The following CHRNA4 variants were observed in gnomAD, a reference collection of about 807,000 sequenced individuals.
CHRNA4 encodes neuronal acetylcholine receptor subunit alpha-4.
CHRNA4 carries 28 observed loss-of-function variants against 48.9 expected under a neutral mutation model. The ratio of observed to expected loss-of-function variants is 0.57; its 90% CI spans 0.42 to 0.79. The LOEUF is 0.79. Among genes scored for constraint, CHRNA4 ranks in the 30% least tolerant of loss-of-function variants. The pLI is 0.00. For missense variants in CHRNA4, 859 were observed against 898.4 expected, an observed-to-expected ratio of 0.96 and a Z score of 0.56; for synonymous variants, 425 against 402.3, an observed-to-expected ratio of 1.06 and a Z score of -0.68.
chr20:63,356,992 C>CGTCCACATCGCCATG (rs35554421), intron 2 of CHRNA4, among the ~76,000 whole-genome samples: 1 of 143,750 alleles, frequency 7.0e-6, no homozygotes, highest in African/African-American at 2.6e-5. Flanking sequence ...ACGTCCCCAC[C>CGTCCACATCGCCATG]GACCACATCT....
chr20:63,350,463 G>T lies in CHRNA4; in HGVS notation c.948C>A (p.Phe316Leu), dbSNP rs121912259. Reference sequence around the variant, plus strand: ...CCGTGATGACGATGGACAGGGTGACGAAGATCATGGTGAACAGCAGGTACT... The same window carrying T: ...CCGTGATGACGATGGACAGGGTGACTAAGATCATGGTGAACAGCAGGTACT... ...IGEYLLFTMI[F>L]VTLSIVITVF... Residue 316 changes from phenylalanine (F) to leucine (L), a missense_variant, in exon 5 of 6, where the codon TTC becomes TTA. Transcript: ENST00000370263. The T allele has an allele frequency of 2.5e-6, 4 of 1,613,964 alleles. No homozygotes were observed. The African/African-American group carries it at 5.3e-5, about 22-fold the overall frequency.
rs1406223079 is a variant in CHRNA4, at chr20:63,343,868, C to G, written c.*2870G>C. ...GACTTTGATAGGGGGTCGGGGGTCA[C>G]AGCCCTGGCAAGGTGGGTTCTAGGC... On this transcript the variant is annotated 3_prime_UTR_variant, in exon 6 of 6. Coordinates refer to ENST00000370263, the MANE Select transcript of CHRNA4 (RefSeq NM_000744.7). 1 of 454,190 alleles carries G rather than the reference C, an allele frequency of 2.2e-6. No individual in the cohort carries two copies. The allele number at this position is 454,190 out of a possible 1,614,324, so 28.1% of individuals were successfully genotyped here.
At chr20:63,359,770 C>T (rs2068778731) in intron 1 of CHRNA4, 71 bp from the exon 2 acceptor site, 3 of 1,552,572 alleles carry the variant, frequency 1.9e-6, no homozygotes. Context: ...AGGAGCTCTC[C>T]AGGCTGCCCC....
At chr20:63,359,903 G>GTGTGTGTGTGCCGGGCATGCGC (rs758593745) in intron 1 of CHRNA4, 1 of 442,922 alleles carries the variant, frequency 2.3e-6, no homozygotes, top group Non-Finnish European at 4.0e-6. Flanking sequence ...TGTGCTGTGT[G>GTGTGTGTGTGCCGGGCATGCGC]TGTGTGTGTG....
rs140239470 is a variant in CHRNA4, at chr20:63,356,386, G to A, written c.258C>T (p.Asn86=). Residue 86 remains asparagine (N), a synonymous_variant, in exon 3 of 6, where the codon AAC becomes AAT. Coordinates refer to ENST00000370263, the MANE Select transcript of CHRNA4 (RefSeq NM_000744.7). ...VDEKNQMMTT[N]VWVKQEWHDY... is the part of the protein sequence containing the mutation. ...TCCCACTCACCTGCTTCACCCATAC[G>A]TTCGTGGTCATCATCTGGTTCTTCT... The A allele has an allele frequency of 2.0e-4, 327 of 1,600,170 alleles. No individual in the cohort carries two copies. The African/African-American group carries it at 2.2e-3, about 11-fold the overall frequency.
intron 4 of CHRNA4, among the ~76,000 whole-genome samples, chr20:63,353,874 GA>G (rs1351688124): frequency 4.0e-5 from 2 of 49,500 alleles, no homozygotes; most frequent in Non-Finnish European, 8.2e-5. Context: ...GTTCTGGGGG[GA>G]CTGTGGTCCT....
At position 63,350,016 on chromosome 20, in the gene CHRNA4, G is replaced by A. The variant is rs748016098; in HGVS notation, c.1395C>T (p.Ser465=). The A allele has an allele frequency of 2.0e-6, 3 of 1,528,734 alleles. No homozygotes were observed. Among genetic ancestry groups the A allele is most frequent in the East Asian group, 4.7e-5 (2 of 42,484 alleles). The allele number at this position is 1,528,734 out of a possible 1,614,324, so 94.7% of individuals were successfully genotyped here. A position where few individuals can be genotyped will look rare whatever the true frequency, so the allele number is the denominator to read the frequency against. ...TQAPGLAKAR[S]LSVQHMSSPG... ...GGCTGGACATGTGCTGGACGCTGAG[G>A]GACCTGGCTTTGGCCAGCCCTGGTG... Residue 465 remains serine (S), a synonymous_variant, in exon 5 of 6, where the codon TCC becomes TCT. Coordinates refer to ENST00000370263, the MANE Select transcript of CHRNA4 (RefSeq NM_000744.7).
At chr20:63,347,762 C>T (rs1030252422) in intron 5 of CHRNA4, among the ~76,000 whole-genome samples, 5 of 152,202 alleles carry the variant, frequency 3.3e-5, no homozygotes, top group African/African-American at 1.2e-4. Flanking sequence ...GTGAGGGTGT[C>T]CTGGGTCCCA....
At chr20:63,355,737 G>A in intron 4 of CHRNA4, 1 of 796,390 alleles carries the variant, frequency 1.3e-6, no homozygotes, top group South Asian at 1.6e-5. Context: ...CTGAGACCCA[G>A]GGATGCCCTC....
chr20:63,361,226 C>A lies in CHRNA4; in HGVS notation c.-61G>T. On this transcript the variant is annotated 5_prime_UTR_variant, in exon 1 of 6. Transcript: ENST00000370263. ...CTCCCGGCTCCCCGCCGCTTCGAGG[C>A]CCGTGCGCGCCCAACTTCATGCCTC... 6.9e-7 allele frequency: 1 copy of A among 1,440,192 alleles called. No individual in the cohort carries two copies. The highest frequency in any genetic ancestry group is 1.4e-5 in the South Asian group (1 of 73,902). 89.2% of individuals were successfully genotyped at this position (1,440,192 alleles called of 1,614,324 possible). A position where few individuals can be genotyped will look rare whatever the true frequency, so the allele number is the denominator to read the frequency against.
In CHRNA4 at chr20:63,344,837, G is replaced by T; in HGVS notation, c.*1901C>A. 1 of 447,016 alleles carries T rather than the reference G, an allele frequency of 2.2e-6. No homozygotes were observed. The highest frequency in any genetic ancestry group is 4.5e-6 in the Non-Finnish European group (1 of 222,692). The allele number at this position is 447,016 out of a possible 1,614,324, so 27.7% of individuals were successfully genotyped here. On this transcript the variant is annotated 3_prime_UTR_variant, in exon 6 of 6. Coordinates refer to ENST00000370263, the MANE Select transcript of CHRNA4 (RefSeq NM_000744.7). This position sits in a 1 kb window ranked among gnomAD's most constrained non-coding sequence, Gnocchi z 4.5. ...GAGCTCTGGCCGAGGAGCAGCAGGGGCTGATGGCAGAGCGGGGGCAGGTCA... is the reference window on the plus strand; with the variant it reads ...GAGCTCTGGCCGAGGAGCAGCAGGGTCTGATGGCAGAGCGGGGGCAGGTCA...
rs553582391 is a variant in CHRNA4 at position 63,350,860 on chromosome 20, T to C, written c.551A>G (p.Tyr184Cys). Residue 184 changes from tyrosine (Y) to cysteine (C), a missense_variant, in exon 5 of 6, where the codon TAC (tyrosine) becomes TGC (cysteine). Physicochemically the swap from Tyr to Cys is radical, Grantham distance 194 (BLOSUM62 -2). Transcript: ENST00000370263. Reference protein sequence around the residue: ...NCTMKFGSWTYDKAKIDLVNM... With the variant: ...NCTMKFGSWTCDKAKIDLVNM... ...CACCAGGTCGATCTTGGCCTTGTCG[T>C]AGGTCCAGGAGCCGAATTTCATGGT... is the stretch of plus-strand genomic sequence containing the variant. The C allele has an allele frequency of 3.7e-6, 6 of 1,613,762 alleles. No homozygotes were observed. Among genetic ancestry groups the C allele is most frequent in the Non-Finnish European group, 5.1e-6 (6 of 1,179,990 alleles).
intron 4 of CHRNA4, among the ~76,000 whole-genome samples, chr20:63,353,697 G>T (rs1354295475): frequency 1.4e-5 from 1 of 69,218 alleles, no homozygotes; most frequent in African/African-American, 5.5e-5. Context: ...GGAGGCTGTG[G>T]TCCTGGGGGG....
At position 63,345,849 on chromosome 20, in the gene CHRNA4, A is replaced by G. The variant is rs764978569; in HGVS notation, c.*889T>C. ...GAACCAGGGCCCAGGTCTGGACTCC[A>G]TTCGGGACCTTCCCAGCTCCGGGGA... On this transcript the variant is annotated 3_prime_UTR_variant, in exon 6 of 6. Coordinates refer to ENST00000370263, the MANE Select transcript of CHRNA4 (RefSeq NM_000744.7). The surrounding 1 kb of genome is among the most constrained non-coding windows in gnomAD (Gnocchi z 5.4). 6 of 452,700 alleles carry G rather than the reference A, an allele frequency of 1.3e-5. No individual in the cohort carries two copies. The highest frequency in any genetic ancestry group is 9.3e-5 in the South Asian group (6 of 64,380). 28.0% of individuals were successfully genotyped at this position (452,700 alleles called of 1,614,324 possible). A position where few individuals can be genotyped will look rare whatever the true frequency, so the allele number is the denominator to read the frequency against.
At chr20:63,356,686 A>T in intron 2 of CHRNA4, 1 of 559,366 alleles carries the variant, frequency 1.8e-6, no homozygotes, top group South Asian at 2.0e-5. Context: ...TTCCCCAGCT[A>T]AGGACAGGTG....
At chr20:63,353,402 G>A (rs573635927) in intron 4 of CHRNA4, among the ~76,000 whole-genome samples, 2 of 151,568 alleles carry the variant, frequency 1.3e-5, no homozygotes, top group South Asian at 2.1e-4. Context: ...GGAGACACAG[G>A]AGAACATGGG....
At chr20:63,359,793 A>G in intron 1 of CHRNA4, 94 bp from the exon 2 acceptor site, 2 of 1,456,722 alleles carry the variant, frequency 1.4e-6, no homozygotes, top group South Asian at 2.4e-5. Context: ...CCCCCTGCCC[A>G]GCACGTCCAC....
chr20:63,352,609 G>A (rs978168730), intron 4 of CHRNA4, among the ~76,000 whole-genome samples: 1 of 152,146 alleles, frequency 6.6e-6, no homozygotes, highest in Admixed American at 6.5e-5. Context: ...CCTCTCCCCA[G>A]CCCATCTCTC....
intron 4 of CHRNA4, among the ~76,000 whole-genome samples, chr20:63,353,985 G>A (rs1328657640): frequency 2.0e-4 from 7 of 35,270 alleles, no homozygotes; most frequent in African/African-American, 4.8e-4. Context: ...CTGTGGTCCT[G>A]GGGGGCTGTG....
Sources: allele counts gnomAD v4.1 joint callset (sites outside exome capture counted in the v4.1 genomes callset), GRCh38; gene constraint gnomAD v4.1.1; non-coding constraint Gnocchi (gnomAD v3.1); transcripts MANE v1.5; gene names NCBI Gene and HGNC (gene_info 2026-07-23, HGNC 2026-07-21).